The following DEPTOR variants were observed in gnomAD, a reference collection of about 807,000 sequenced individuals.
DEPTOR encodes the protein DEP domain containing MTOR interacting protein, also known as DEP domain-containing mTOR-interacting protein.
DEPTOR carries 41 observed loss-of-function variants against 41.6 expected under a neutral mutation model. The observed-to-expected ratio is 0.98, with a 90% CI of 0.77 to 1.28. DEPTOR has a LOEUF of 1.28. Among genes scored for constraint, DEPTOR ranks in the 50% most tolerant of loss-of-function variants. DEPTOR has a pLI of 0.00. For missense variants in DEPTOR, 514 were observed against 527.9 expected (o/e 0.97, Z 0.26); for synonymous variants, 195 against 192.3 (o/e 1.01, Z -0.12).
chr8:120,012,506 ATT>A (rs950618843), intron 8 of DEPTOR, among the ~76,000 whole-genome samples: 1 of 150,610 alleles, frequency 6.6e-6, no homozygotes, highest in Admixed American at 6.6e-5. Flanking sequence ...GGCAATGGGA[ATT>A]TTTTTTTTAA....
At chr8:120,038,412 C>T (rs1813010855) in intron 8 of DEPTOR, among the ~76,000 whole-genome samples, 1 of 151,712 alleles carries the variant, frequency 6.6e-6, no homozygotes, top group South Asian at 2.1e-4. Context: ...GCAGCCTGGG[C>T]AACATGGCAA....
chr8:119,922,857 G>C (rs567672900), intron 1 of DEPTOR, among the ~76,000 whole-genome samples: 3 of 152,292 alleles, frequency 2.0e-5, no homozygotes, highest in Non-Finnish European at 4.4e-5. Context: ...ATCTGTGATA[G>C]TCAGAAATGA....
chr8:120,020,825 G>A (rs1006507696), intron 8 of DEPTOR, among the ~76,000 whole-genome samples: 278 of 152,040 alleles, frequency 1.8e-3, no homozygotes, highest in African/African-American at 6.4e-3. Context: ...TTGGGAGGCC[G>A]AGGCAGGTGG....
chr8:119,942,868 G>A (rs1828221386), intron 3 of DEPTOR, among the ~76,000 whole-genome samples: 1 of 152,208 alleles, frequency 6.6e-6, no homozygotes, highest in East Asian at 1.9e-4. Flanking sequence ...ATCCAGTGGA[G>A]TTTCATCTAA....
intron 3 of DEPTOR, among the ~76,000 whole-genome samples, chr8:119,950,461 G>A (rs774341726): frequency 3.2e-4 from 48 of 152,036 alleles, no homozygotes; most frequent in Middle Eastern, 6.8e-3. Flanking sequence ...TGTTGCCCAG[G>A]CTGGACTGCA....
At chr8:120,002,791 A>AAAAAAAAAAAATATAT in intron 5 of DEPTOR, among the ~76,000 whole-genome samples, 186 bp from the exon 6 acceptor site, 1 of 60,674 alleles carries the variant, frequency 1.6e-5, no homozygotes, top group African/African-American at 7.6e-5. Context: ...AAAAAAAAAA[A>AAAAAAAAAAAATATAT]ATATATATAT....
rs537169107 is a variant in DEPTOR at position 119,930,718 on chromosome 8, T to C, written c.425+780T>C. On this transcript the variant is annotated intron_variant, in intron 3 of 8. Coordinates refer to ENST00000286234, the MANE Select transcript of DEPTOR (RefSeq NM_022783.4). ...GCCCTTTCAAGAGATAAGTATAGTG[T>C]AGCACAGGAGTTTTTGGTTGGTGGG... Among the ~76,000 whole-genome samples, 5 of 152,210 alleles carry C rather than the reference T, an allele frequency of 3.3e-5. No homozygotes were observed. In the South Asian group the frequency reaches 1.0e-3, roughly 32 times the overall value.
chr8:119,941,373 C>CAAAAAAAA (rs749120675), intron 3 of DEPTOR, among the ~76,000 whole-genome samples: 2 of 39,952 alleles, frequency 5.0e-5, no homozygotes, highest in Non-Finnish European at 8.5e-5. Flanking sequence ...ATCTCCATCT[C>CAAAAAAAA]AAAAAAAAAA....
At chr8:120,020,127 A>G (rs1393874763) in intron 8 of DEPTOR, among the ~76,000 whole-genome samples, 2 of 151,904 alleles carry the variant, frequency 1.3e-5, no homozygotes, top group Non-Finnish European at 2.9e-5. Flanking sequence ...TCACTCTGTC[A>G]CCCAGGCTGG....
chr8:120,000,875 C>T (rs1341389162), intron 4 of DEPTOR, among the ~76,000 whole-genome samples: 4 of 151,516 alleles, frequency 2.6e-5, no homozygotes, highest in African/African-American at 4.8e-5. Flanking sequence ...GTCAGGAGTT[C>T]GAGACCAGCC....
rs567343725 is a variant in DEPTOR at position 120,043,088 on chromosome 8, T to TTA, written c.1102-6488_1102-6487insTA. 7.1e-3 allele frequency among the ~76,000 whole-genome samples: 1,072 copies of TTA among 151,730 alleles called. 8 individuals carry two copies. The highest frequency in any genetic ancestry group is 0.019 in the South Asian group (89 of 4,794). On this transcript the variant is annotated intron_variant, in intron 8 of 8. Transcript: ENST00000286234. ...CTGGTCTAGAACTCTTCTTTTTTTT[T>TTA]AAAATTTTTTATTTATATAGGTAAT...
chr8:120,040,386 C>G (rs897169253), intron 8 of DEPTOR, among the ~76,000 whole-genome samples: 1 of 151,874 alleles, frequency 6.6e-6, no homozygotes, highest in East Asian at 2.0e-4. Context: ...ACCATCCTGG[C>G]TAACGTGGTG....
intron 3 of DEPTOR, among the ~76,000 whole-genome samples, chr8:119,951,511 T>C (rs1362214232): frequency 1.3e-5 from 2 of 152,126 alleles, no homozygotes; most frequent in Admixed American, 6.6e-5. Flanking sequence ...CTAAAACCCA[T>C]GGGGAATGTG....
chr8:119,938,895 CTCTT>C (rs1212500643), intron 3 of DEPTOR, among the ~76,000 whole-genome samples: 2 of 140,472 alleles, frequency 1.4e-5, no homozygotes, highest in Admixed American at 7.1e-5. Flanking sequence ...CTCTCTCTTT[CTCTT>C]TCTCTCTTTC....
intron 4 of DEPTOR, among the ~76,000 whole-genome samples, chr8:119,974,982 G>A (rs551613754): frequency 6.6e-6 from 1 of 152,018 alleles, no homozygotes; most frequent in Admixed American, 6.6e-5. Flanking sequence ...TGTTCCTGGT[G>A]CAGAGAGGGA....
At chr8:120,008,915 A>T in intron 7 of DEPTOR, 114 bp from the exon 8 acceptor site, 1 of 907,998 alleles carries the variant, frequency 1.1e-6, no homozygotes, top group Non-Finnish European at 1.7e-6. Context: ...AGAGAAACGG[A>T]GGAAAATATG....
chr8:120,030,497 GTTT>G (rs1171655489), intron 8 of DEPTOR, among the ~76,000 whole-genome samples: 1,473 of 45,998 alleles, frequency 0.032, 28 homozygotes, highest in African/African-American at 0.094. Context: ...AGGTTCATCA[GTTT>G]TTTTTTTTTT....
At chr8:119,880,731 A>G (rs1208752367) in intron 1 of DEPTOR, among the ~76,000 whole-genome samples, 1 of 152,222 alleles carries the variant, frequency 6.6e-6, no homozygotes, top group South Asian at 2.1e-4. Context: ...ATGTGGTTTT[A>G]AAAAGTGAAT....
chr8:120,036,750 C>G (rs570307707), intron 8 of DEPTOR, among the ~76,000 whole-genome samples: 4 of 152,202 alleles, frequency 2.6e-5, no homozygotes, highest in Non-Finnish European at 5.9e-5. Flanking sequence ...GTTTACATCT[C>G]TGTCTAATAT....
Sources: allele counts gnomAD v4.1 joint callset (sites outside exome capture counted in the v4.1 genomes callset), GRCh38; gene constraint gnomAD v4.1.1; transcripts MANE v1.5; gene names NCBI Gene and HGNC (gene_info 2026-07-23, HGNC 2026-07-21).